The following NEMP2 variants were observed in gnomAD, a reference collection of about 807,000 sequenced individuals.
NEMP2 encodes the protein nuclear envelope integral membrane protein 2.
Under a neutral mutation model 54.2 loss-of-function variants are expected in NEMP2, and 53 were observed. The ratio of observed to expected loss-of-function variants is 0.98; its 90% CI spans 0.78 to 1.23. The LOEUF is 1.23. NEMP2 is among the 50% of genes most tolerant of loss of function. NEMP2 has a pLI of 0.00. For missense variants in NEMP2, 455 were observed against 511.3 expected (o/e 0.89, Z 1.06); for synonymous variants, 197 against 190.3 (o/e 1.04, Z -0.29).
intron 1 of NEMP2, 152 bp downstream of exon 1, chr2:190,534,407 G>A: frequency 8.2e-7 from 1 of 1,213,100 alleles, no homozygotes; most frequent in Non-Finnish European, 1.0e-6. Flanking sequence ...GGCGGGCGGG[G>A]CCTGCCCGGG....
the NEMP2 span, among the ~76,000 whole-genome samples, chr2:190,443,832 A>T: frequency 1.3e-5 from 2 of 152,170 alleles, no homozygotes; most frequent in African/African-American, 4.8e-5. The surrounding 1 kb of genome is among the most constrained non-coding windows in gnomAD (Gnocchi z 4.2). Context: ...AGGCAGGAGG[A>T]TGTCTTGAGC....
At chr2:190,481,820 CAGA>C in the NEMP2 span, among the ~76,000 whole-genome samples, 1 of 152,190 alleles carries the variant, frequency 6.6e-6, no homozygotes, top group African/African-American at 2.4e-5. Context: ...GTGCAGCACA[CAGA>C]AGATCCATGC....
At chr2:190,462,535 T>C in the NEMP2 span, among the ~76,000 whole-genome samples, 8 of 152,174 alleles carry the variant, frequency 5.3e-5, 1 homozygote, top group African/African-American at 1.7e-4. This position sits in a 1 kb window ranked among gnomAD's most constrained non-coding sequence, Gnocchi z 5.7. Flanking sequence ...CAGGCTCTTT[T>C]TGAGTACAAA....
At chr2:190,563,195 TCTC>T in the NEMP2 span, among the ~76,000 whole-genome samples, 2 of 152,170 alleles carry the variant, frequency 1.3e-5, no homozygotes, top group Admixed American at 1.3e-4. This position sits in a 1 kb window ranked among gnomAD's most constrained non-coding sequence, Gnocchi z 4.3. Flanking sequence ...TGTGCTGTGT[TCTC>T]CTGCCACCCA....
At chr2:190,616,252 T>C in the NEMP2 span, among the ~76,000 whole-genome samples, 1 of 152,036 alleles carries the variant, frequency 6.6e-6, no homozygotes, top group Non-Finnish European at 1.5e-5. The surrounding 1 kb of genome is among the most constrained non-coding windows in gnomAD (Gnocchi z 5.1). Flanking sequence ...GCCCAAATAC[T>C]GAGGGGCAAA....
chr2:190,608,473 TATG>T, the NEMP2 span: 1 of 152,094 alleles, frequency 6.6e-6, no homozygotes, highest in Non-Finnish European at 1.5e-5. This position sits in a 1 kb window ranked among gnomAD's most constrained non-coding sequence, Gnocchi z 4.9. Context: ...GGCCATAGAG[TATG>T]ATAAGTGCTT....
At chr2:190,437,321 A>C in the NEMP2 span, 1 of 1,614,256 alleles carries the variant, frequency 6.2e-7, no homozygotes, top group Non-Finnish European at 8.5e-7. This position sits in a 1 kb window ranked among gnomAD's most constrained non-coding sequence, Gnocchi z 5.9. Flanking sequence ...AGCCACTCGC[A>C]GGCCTTCAAC....
the NEMP2 span, among the ~76,000 whole-genome samples, chr2:190,469,018 G>A: frequency 6.6e-6 from 1 of 152,044 alleles, no homozygotes; most frequent in African/African-American, 2.4e-5. This position sits in a 1 kb window ranked among gnomAD's most constrained non-coding sequence, Gnocchi z 5.3. Flanking sequence ...CCTTATGCTT[G>A]GGTGCACCAC....
At chr2:190,482,789 A>T in the NEMP2 span, among the ~76,000 whole-genome samples, 1 of 141,900 alleles carries the variant, frequency 7.0e-6, no homozygotes, top group East Asian at 2.3e-4. Context: ...GTTATAAGGT[A>T]TTTGGGGCAT....
At chr2:190,491,429 C>T in the NEMP2 span, among the ~76,000 whole-genome samples, 1 of 152,146 alleles carries the variant, frequency 6.6e-6, no homozygotes, top group Admixed American at 6.5e-5. The surrounding 1 kb of genome is among the most constrained non-coding windows in gnomAD (Gnocchi z 4.2). Context: ...GAGAGACAGG[C>T]CAAATATTGG....
In NEMP2 at chr2:190,522,336, T is replaced by C. The variant is rs934578808; in HGVS notation, c.213+2927A>G. ...ACCCCAGCATTACACAATATATCCATGTGACAAACCTGCACATGTACCCCC... is the reference window on the plus strand; with the variant it reads ...ACCCCAGCATTACACAATATATCCACGTGACAAACCTGCACATGTACCCCC... On this transcript the variant is annotated intron_variant, in intron 2 of 8. Coordinates refer to ENST00000409150, the MANE Select transcript of NEMP2 (RefSeq NM_001142645.2). This position sits in a 1 kb window ranked among gnomAD's most constrained non-coding sequence, Gnocchi z 5.0. Among the ~76,000 whole-genome samples, 2 of 151,958 alleles carry C rather than the reference T, an allele frequency of 1.3e-5. No individual in the cohort carries two copies. Among genetic ancestry groups the C allele is most frequent in the African/African-American group, 4.8e-5 (2 of 41,362 alleles).
At chr2:190,638,047 T>A in the NEMP2 span, among the ~76,000 whole-genome samples, 1 of 152,134 alleles carries the variant, frequency 6.6e-6, no homozygotes, top group Non-Finnish European at 1.5e-5. This position sits in a 1 kb window ranked among gnomAD's most constrained non-coding sequence, Gnocchi z 5.7. Flanking sequence ...GAAAGAGGGA[T>A]GAAACACTGC....
chr2:190,514,894 A>G lies in NEMP2; in HGVS notation c.728-216T>C, dbSNP rs1413076213. Among the ~76,000 whole-genome samples the G allele has an allele frequency of 6.6e-6, 1 of 152,160 alleles. No homozygotes were observed. Among genetic ancestry groups the G allele is most frequent in the African/African-American group, 2.4e-5 (1 of 41,430 alleles). On this transcript the variant is annotated intron_variant, in intron 6 of 8. Coordinates refer to ENST00000409150, the MANE Select transcript of NEMP2 (RefSeq NM_001142645.2). This position sits in a 1 kb window ranked among gnomAD's most constrained non-coding sequence, Gnocchi z 5.7. The stretch of plus-strand genomic sequence containing the variant: ...TCGCAATAATTTGGGATGTACACTC[A>G]TTATTATGATGATACATAAGTATGT...
At chr2:190,544,759 A>C in the NEMP2 span, among the ~76,000 whole-genome samples, 1 of 152,100 alleles carries the variant, frequency 6.6e-6, no homozygotes, top group Non-Finnish European at 1.5e-5. Flanking sequence ...AAGGTAACTA[A>C]GATACAGGAA....
rs1161046138 is a variant in NEMP2 at position 190,518,891 on chromosome 2, T to C, written c.445+61A>G. The C allele has an allele frequency of 3.3e-6, 5 of 1,517,258 alleles. No homozygotes were observed. In the South Asian group the frequency reaches 6.2e-5, roughly 19 times the overall value. 94.0% of individuals were successfully genotyped at this position (1,517,258 alleles called of 1,614,324 possible). A position where few individuals can be genotyped will look rare whatever the true frequency, so the allele number is the denominator to read the frequency against. ...GTAAAAGAAGAAAAAAGTCAATTTA[T>C]TGAAAAGTTACTCCAGAAAAACTGA... On this transcript the variant is annotated intron_variant, in intron 3 of 8. Transcript: ENST00000409150.
the NEMP2 span, among the ~76,000 whole-genome samples, chr2:190,479,721 T>C: frequency 6.6e-6 from 1 of 152,146 alleles, no homozygotes; most frequent in Non-Finnish European, 1.5e-5. Flanking sequence ...ACCTAGGGGC[T>C]GCTATAACTA....
chr2:190,572,652 C>T, the NEMP2 span, among the ~76,000 whole-genome samples: 1 of 151,572 alleles, frequency 6.6e-6, no homozygotes, highest in South Asian at 2.1e-4. Flanking sequence ...TTTTACTTAA[C>T]ATTATATCAA....
the NEMP2 span, among the ~76,000 whole-genome samples, chr2:190,582,014 T>C: frequency 6.6e-6 from 1 of 152,202 alleles, no homozygotes; most frequent in Non-Finnish European, 1.5e-5. The surrounding 1 kb of genome is among the most constrained non-coding windows in gnomAD (Gnocchi z 4.6). Flanking sequence ...AGTGTTCCTA[T>C]ACTTTATCAA....
chr2:190,499,348 C>A (rs768089429), downstream of NEMP2, among the ~76,000 whole-genome samples: 2 of 151,892 alleles, frequency 1.3e-5, no homozygotes, highest in Non-Finnish European at 2.9e-5. The surrounding 1 kb of genome is among the most constrained non-coding windows in gnomAD (Gnocchi z 6.0). Context: ...GGGGGAGAAT[C>A]CATTTAAATT....
Sources: gnomAD v4.1 joint callset for allele counts (sites outside exome capture counted in the v4.1 genomes callset) on GRCh38, gnomAD v4.1.1 for gene constraint, Gnocchi (gnomAD v3.1) non-coding constraint, MANE v1.5 for transcripts, NCBI Gene and HGNC (gene_info 2026-07-23, HGNC 2026-07-21) for gene names.